Variants in CTNNBL1 observed in about 807,000 individuals in gnomAD.
CTNNBL1 encodes beta-catenin-like protein 1.
A neutral mutation model predicts 72.7 loss-of-function variants in CTNNBL1; 31 were observed. The ratio of observed to expected loss-of-function variants is 0.43; its 90% CI spans 0.32 to 0.58. CTNNBL1 has a LOEUF of 0.58. CTNNBL1 is among the 20% of genes least tolerant of loss of function. The pLI, the probability that CTNNBL1 is intolerant of heterozygous loss-of-function variation, is 0.08. For synonymous variants in CTNNBL1, 240 were observed against 267.3 expected (o/e 0.90, Z 1.00); for missense variants, 534 against 725.1 (o/e 0.74, Z 3.03).
intron 13 of CTNNBL1, among the ~76,000 whole-genome samples, chr20:37,851,502 C>G (rs1011278581): frequency 2.6e-5 from 4 of 152,092 alleles, no homozygotes; most frequent in Admixed American, 6.5e-5. Context: ...AGAAAAATAT[C>G]CCATCTATTT....
At chr20:37,811,682 C>T (rs1295874538) in intron 11 of CTNNBL1, among the ~76,000 whole-genome samples, 1 of 152,212 alleles carries the variant, frequency 6.6e-6, no homozygotes, top group Non-Finnish European at 1.5e-5. Flanking sequence ...AAGTAGATCA[C>T]AGCATAGCTG....
Position 37,743,807 on chromosome 20 carries a change from C to A in CTNNBL1, c.327-2661C>A, listed in dbSNP as rs772213555. Among the ~76,000 whole-genome samples the A allele has an allele frequency of 1.9e-4, 29 of 151,874 alleles. 1 individual carries two copies. The highest frequency in any genetic ancestry group is 6.6e-4 in the Admixed American group (10 of 15,252). Reference sequence around the variant, plus strand: ...GTTAGATTTGTGCCCTATATCAATACATTAAAATAAATTTCAGATAGATTA... The same window carrying A: ...GTTAGATTTGTGCCCTATATCAATAAATTAAAATAAATTTCAGATAGATTA... On this transcript the variant is annotated intron_variant, in intron 3 of 15. Transcript: ENST00000361383.
intron 5 of CTNNBL1, among the ~76,000 whole-genome samples, chr20:37,764,715 G>C (rs1254492350): frequency 6.6e-6 from 1 of 152,222 alleles, no homozygotes; most frequent in Non-Finnish European, 1.5e-5. Flanking sequence ...CAAGGAAACA[G>C]GAATGTTTTG....
chr20:37,791,884 C>T (rs761863795), intron 10 of CTNNBL1, among the ~76,000 whole-genome samples: 4 of 152,190 alleles, frequency 2.6e-5, no homozygotes, highest in Non-Finnish European at 4.4e-5. Flanking sequence ...GGTGCCAAAA[C>T]GGTTGGGGAA....
chr20:37,823,081 T>A (rs1048564285), intron 11 of CTNNBL1, among the ~76,000 whole-genome samples: 31 of 152,244 alleles, frequency 2.0e-4, no homozygotes, highest in Admixed American at 1.0e-3. Flanking sequence ...CATGGACTCA[T>A]TCTTCACAAA....
chr20:37,720,321 C>T (rs117351621), intron 1 of CTNNBL1, among the ~76,000 whole-genome samples: 4,264 of 152,152 alleles, frequency 0.028, 94 homozygotes, highest in Non-Finnish European at 0.042. Context: ...AGCCACTGTG[C>T]GTGGCCTGAA....
rs79595793 is a variant in CTNNBL1 at position 37,772,306 on chromosome 20, C to T, written c.750+4262C>T. Among the ~76,000 whole-genome samples, 17 of 152,272 alleles carry T rather than the reference C, an allele frequency of 1.1e-4. No homozygotes were observed. In the East Asian group the frequency reaches 3.3e-3, roughly 29 times the overall value. ...GGTCCACCCAGACCCACTGAGTCTG[C>T]AAAGTTGGAGTGGAGCCTGGTAGTC... is the stretch of plus-strand genomic sequence containing the variant. On this transcript the variant is annotated intron_variant, in intron 7 of 15. Coordinates refer to ENST00000361383, the MANE Select transcript of CTNNBL1 (RefSeq NM_030877.5).
intron 15 of CTNNBL1, among the ~76,000 whole-genome samples, chr20:37,863,264 G>C (rs549679742): frequency 6.6e-6 from 1 of 152,244 alleles, no homozygotes; most frequent in East Asian, 1.9e-4. Flanking sequence ...CATAATCCAA[G>C]CCCAGTGAAA....
intron 1 of CTNNBL1, among the ~76,000 whole-genome samples, chr20:37,717,517 T>C (rs1395740030): frequency 6.6e-6 from 1 of 152,222 alleles, no homozygotes; most frequent in Admixed American, 6.5e-5. Flanking sequence ...TAATTTGTTA[T>C]TTAAAGGTTC....
intron 2 of CTNNBL1, among the ~76,000 whole-genome samples, chr20:37,733,860 G>T (rs1454230476): frequency 6.6e-6 from 1 of 152,168 alleles, no homozygotes; most frequent in Non-Finnish European, 1.5e-5. Flanking sequence ...GCTCTGTTCT[G>T]TTCACAGCTC....
chr20:37,736,552 T>G (rs2073173253), intron 2 of CTNNBL1, among the ~76,000 whole-genome samples: 1 of 152,194 alleles, frequency 6.6e-6, no homozygotes, highest in Admixed American at 6.6e-5. Flanking sequence ...ACTTTTCTTT[T>G]TTTTTTGAGA....
chr20:37,776,617 T>C (rs1375872304), intron 7 of CTNNBL1, among the ~76,000 whole-genome samples: 1 of 152,142 alleles, frequency 6.6e-6, no homozygotes, highest in Non-Finnish European at 1.5e-5. Flanking sequence ...AATGGTGAGA[T>C]ATTTAAGTCT....
At chr20:37,773,193 G>A (rs1436683915) in intron 7 of CTNNBL1, among the ~76,000 whole-genome samples, 1 of 152,184 alleles carries the variant, frequency 6.6e-6, no homozygotes, top group East Asian at 1.9e-4. Flanking sequence ...AAAGTTCTTA[G>A]CCTCTATGAC....
intron 1 of CTNNBL1, among the ~76,000 whole-genome samples, chr20:37,701,958 C>T (rs574741166): frequency 6.6e-6 from 1 of 151,924 alleles, no homozygotes; most frequent in African/African-American, 2.4e-5. Context: ...AGATGTGTGG[C>T]GTAATACATC....
At chr20:37,821,402 T>G (rs1366396960) in intron 11 of CTNNBL1, among the ~76,000 whole-genome samples, 2 of 152,128 alleles carry the variant, frequency 1.3e-5, no homozygotes, top group Non-Finnish European at 2.9e-5. Context: ...AAGGAAAAAA[T>G]AAATCTTTTT....
At chr20:37,787,791 C>T (rs561167686) in intron 10 of CTNNBL1, among the ~76,000 whole-genome samples, 3 of 151,796 alleles carry the variant, frequency 2.0e-5, no homozygotes, top group Non-Finnish European at 2.9e-5. Context: ...ATCTTTTTTT[C>T]ACTTCCATTA....
chr20:37,822,661 T>A (rs962967445), intron 11 of CTNNBL1, among the ~76,000 whole-genome samples: 1 of 152,138 alleles, frequency 6.6e-6, no homozygotes, highest in African/African-American at 2.4e-5. Flanking sequence ...TTTAGGATGG[T>A]AGGGAGAAAG....
intron 10 of CTNNBL1, 21 bp from the exon 11 acceptor site, chr20:37,802,846 T>C: frequency 1.3e-6 from 2 of 1,595,766 alleles, no homozygotes; most frequent in Non-Finnish European, 1.7e-6. Context: ...ATACCTTATC[T>C]GAAACCTCTT....
rs546061743 is a variant in CTNNBL1 at position 37,801,739 on chromosome 20, A to G, written c.1032-1128A>G. ...GATAAAGAGCTTCTACAAAAAACCC[A>G]TAACTAATGTCATACTTCATGGTGA... On this transcript the variant is annotated intron_variant, in intron 10 of 15. Coordinates refer to ENST00000361383, the MANE Select transcript of CTNNBL1 (RefSeq NM_030877.5). Among the ~76,000 whole-genome samples, 267 of 152,364 alleles carry G rather than the reference A, an allele frequency of 1.8e-3. 2 individuals carry two copies. The highest frequency in any genetic ancestry group is 2.6e-3 in the Non-Finnish European group (179 of 68,036).
Sources: allele counts gnomAD v4.1 joint callset (sites outside exome capture counted in the v4.1 genomes callset), GRCh38; gene constraint gnomAD v4.1.1; transcripts MANE v1.5; gene names NCBI Gene and HGNC (gene_info 2026-07-23, HGNC 2026-07-21).